GRAMD1A: variants seen among roughly 807,000 people sequenced by gnomAD.
GRAMD1A encodes protein Aster-A.
A neutral mutation model predicts 92.0 loss-of-function variants in GRAMD1A; 50 were observed. The observed-to-expected ratio is 0.54, with a 90% CI of 0.43 to 0.69. The LOEUF (loss-of-function observed/expected upper bound fraction) is 0.69. GRAMD1A is among the 30% of genes least tolerant of loss of function. The probability of loss-of-function intolerance (pLI) is 0.00; values close to 1 mark genes in which losing one functional copy is unlikely to be tolerated. For synonymous variants in GRAMD1A, 405 were observed against 403.6 expected, an observed-to-expected ratio of 1.00 and a Z score of -0.04; for missense variants, 819 against 978.9, an observed-to-expected ratio of 0.84 and a Z score of 2.18.
chr19:35,009,375 G>GGCCGGTGATCTAGGGGCTCATC, intron 2 of GRAMD1A, 46 bp downstream of exon 2: 1 of 1,613,696 alleles, frequency 6.2e-7, no homozygotes, highest in Non-Finnish European at 8.5e-7. Context: ...AGTGGGGGCT[G>GGCCGGTGATCTAGGGGCTCATC]GCCGGTGATC....
At chr19:35,022,986 A>G (rs1360717042) in intron 17 of GRAMD1A, 75 bp downstream of exon 17, 2 of 840,240 alleles carry the variant, frequency 2.4e-6, no homozygotes, top group Non-Finnish European at 3.2e-6. Context: ...TCCCCACCCC[A>G]TGCCCCCCAG....
chr19:35,013,315 C>T lies in GRAMD1A; in HGVS notation c.666C>T (p.Gly222=), dbSNP rs1453031232. Residue 222 remains glycine, a synonymous_variant, in exon 8 of 20, where the codon GGC becomes GGT. Transcript: ENST00000317991. This position sits in a 1 kb window ranked among gnomAD's most constrained non-coding sequence, Gnocchi z 4.9. ...ATCAGTGCTACGGCTCAGAGCTGGG[C>T]CTCACCAGTGAGGATGAGGACTATG... ...LVHQCYGSEL[G]LTSEDEDYVS... 3.9e-6 allele frequency: 6 copies of T among 1,553,728 alleles called. No homozygotes were observed. The highest frequency in any genetic ancestry group is 5.2e-6 in the Non-Finnish European group (6 of 1,147,908).
At chr19:34,995,585 T>TTTG (rs1555709943), upstream of GRAMD1A, among the ~76,000 whole-genome samples, 31 of 143,330 alleles carry the variant, frequency 2.2e-4, no homozygotes, top group Admixed American at 8.2e-4. Flanking sequence ...TTTTTTTTTT[T>TTTG]TTTTTTTTTT....
At chr19:34,996,109 G>A, upstream of GRAMD1A, 3 of 1,536,072 alleles carry the variant, frequency 2.0e-6, no homozygotes, top group African/African-American at 1.4e-5. Flanking sequence ...CAGCAGGGCA[G>A]CGGAAGCAGC....
intron 12 of GRAMD1A, 35 bp from the exon 13 acceptor site, chr19:35,019,356 G>C: frequency 6.2e-7 from 1 of 1,613,342 alleles, no homozygotes; most frequent in Non-Finnish European, 8.5e-7. Context: ...TGGGTGAGTG[G>C]GGTGGCCCTG....
In GRAMD1A at chr19:35,000,422, A is replaced by AACCCT; in HGVS notation, c.-57_-56insACCCT. The AACCCT allele has an allele frequency of 8.8e-7, 1 of 1,138,098 alleles. No homozygotes were observed. 70.5% of individuals were successfully genotyped at this position (1,138,098 alleles called of 1,614,324 possible). ...AGCGCAGCCCAGCCCCGCGCAGCCC[A>AACCCT]GCCCTGCCCTGCCCTGCCCTGCCCT... On this transcript the variant is annotated 5_prime_UTR_variant, in exon 1 of 20. Coordinates refer to ENST00000317991, the MANE Select transcript of GRAMD1A (RefSeq NM_020895.5). The surrounding 1 kb of genome is among the most constrained non-coding windows in gnomAD (Gnocchi z 4.9).
intron 4 of GRAMD1A, 36 bp downstream of exon 4, chr19:35,010,008 AG>A (rs748080730): frequency 3.3e-5 from 51 of 1,556,042 alleles, no homozygotes; most frequent in Non-Finnish European, 4.3e-5. Flanking sequence ...CTCCTAGCCC[AG>A]CCCTGTGACT....
chr19:35,010,254 C>T (rs771223379), intron 5 of GRAMD1A, 30 bp from the exon 6 acceptor site: 18 of 1,592,010 alleles, frequency 1.1e-5, no homozygotes, highest in South Asian at 6.6e-5. Context: ...GGCCCCACCC[C>T]GCTCCTATTG....
intron 6 of GRAMD1A, chr19:35,010,582 C>T (rs1414892248): frequency 1.7e-6 from 1 of 603,064 alleles, no homozygotes; most frequent in Non-Finnish European, 3.0e-6. Flanking sequence ...CCTGTTACCT[C>T]ACACAGCTGC....
chr19:35,022,109 T>C, intron 16 of GRAMD1A, 71 bp downstream of exon 16: 1 of 1,097,482 alleles, frequency 9.1e-7, no homozygotes, highest in South Asian at 1.4e-5. Flanking sequence ...CTTGGGCAAG[T>C]GTGTGGCCTC....
In GRAMD1A at chr19:35,013,557, G is replaced by C; in HGVS notation, c.736G>C (p.Gly246Arg). ...LNGLGTPKEV[G>R]DVIALSDITS... ...TTCCCACAGGACCCCCAAGGAAGTG[G>C]GAGATGTGATCGCCCTGAGCGACAT... is the stretch of plus-strand genomic sequence containing the variant. Residue 246 changes from glycine (G) to arginine (R), a missense_variant, in exon 9 of 20, where the codon GGA becomes CGA. By Grantham distance (125) the Gly-to-Arg change is moderately radical. Transcript: ENST00000317991. This position sits in a 1 kb window ranked among gnomAD's most constrained non-coding sequence, Gnocchi z 4.9. 1 of 1,607,436 alleles carries C rather than the reference G, an allele frequency of 6.2e-7. No individual in the cohort carries two copies. The highest frequency in any genetic ancestry group is 8.5e-7 in the Non-Finnish European group (1 of 1,175,848).
Position 35,010,388 on chromosome 19 carries a change from G to A in GRAMD1A, c.525+9G>A, listed in dbSNP as rs772332412. ...GCACGGAGAGCGAGAAGGTGACGGAGGACCCGGTGACGGGACCACGCGGTC... is the reference window on the plus strand; with the variant it reads ...GCACGGAGAGCGAGAAGGTGACGGAAGACCCGGTGACGGGACCACGCGGTC... On this transcript the variant is annotated intron_variant, in intron 6 of 19. Transcript: ENST00000317991. The A allele has an allele frequency of 4.4e-6, 7 of 1,599,366 alleles. No individual in the cohort carries two copies. Among genetic ancestry groups the A allele is most frequent in the Non-Finnish European group, 6.0e-6 (7 of 1,166,388 alleles).
intron 16 of GRAMD1A, among the ~76,000 whole-genome samples, chr19:35,022,699 T>TGGAGCCTGCAGGAGCTGG (rs1568340132): frequency 6.6e-6 from 1 of 152,036 alleles, no homozygotes; most frequent in African/African-American, 2.4e-5. Flanking sequence ...AGAAGCAGGA[T>TGGAGCCTGCAGGAGCTGG]CCCGGGGTTG....
chr19:34,997,465 T>C (rs745968034), upstream of GRAMD1A, among the ~76,000 whole-genome samples: 7 of 148,392 alleles, frequency 4.7e-5, no homozygotes, highest in Non-Finnish European at 1.0e-4. Context: ...AAAGAAACAC[T>C]ATCTCTGGTA....
At chr19:34,996,769 G>T (rs1033710104), upstream of GRAMD1A, among the ~76,000 whole-genome samples, 1 of 148,038 alleles carries the variant, frequency 6.8e-6, no homozygotes, top group Non-Finnish European at 1.5e-5. Flanking sequence ...TTGCGCCACT[G>T]CTCCAGCCTG....
chr19:35,014,507 C>G, intron 10 of GRAMD1A, 120 bp downstream of exon 10: 1 of 820,380 alleles, frequency 1.2e-6, no homozygotes, highest in South Asian at 1.5e-5. Context: ...GGATGGCGTT[C>G]AGGCGCTGTT....
chr19:35,010,655 C>G (rs937165915), intron 6 of GRAMD1A: 6 of 587,824 alleles, frequency 1.0e-5, no homozygotes, highest in African/African-American at 1.9e-5. Flanking sequence ...CCCCTCCCTT[C>G]GTAAGTCTCC....
intron 1 of GRAMD1A, among the ~76,000 whole-genome samples, chr19:35,002,115 CAG>C (rs1416500265): frequency 6.6e-6 from 1 of 152,090 alleles, no homozygotes; most frequent in Non-Finnish European, 1.5e-5. Context: ...TGTGTGTGAA[CAG>C]TGTGAGACCC....
chr19:35,013,171 G>A lies in GRAMD1A; in HGVS notation c.607-85G>A. The A allele has an allele frequency of 7.2e-6, 5 of 698,550 alleles. No individual in the cohort carries two copies. Among genetic ancestry groups the A allele is most frequent in the South Asian group, 3.3e-5 (2 of 59,906 alleles). 43.3% of individuals were successfully genotyped at this position (698,550 alleles called of 1,614,324 possible). On this transcript the variant is annotated intron_variant, in intron 7 of 19. Coordinates refer to ENST00000317991, the MANE Select transcript of GRAMD1A (RefSeq NM_020895.5). The surrounding 1 kb of genome is among the most constrained non-coding windows in gnomAD (Gnocchi z 4.9). ...TCCTTGTGGAAGCCAGGGGAACTGCGGAGGCCGAGGGCTGGTGGGGAATCT... is the reference window on the plus strand; with the variant it reads ...TCCTTGTGGAAGCCAGGGGAACTGCAGAGGCCGAGGGCTGGTGGGGAATCT...
Sources: allele counts gnomAD v4.1 joint callset (sites outside exome capture counted in the v4.1 genomes callset), GRCh38; gene constraint gnomAD v4.1.1; non-coding constraint Gnocchi (gnomAD v3.1); transcripts MANE v1.5; gene names NCBI Gene and HGNC (gene_info 2026-07-23, HGNC 2026-07-21).